MAGI1: variants seen among roughly 807,000 people sequenced by gnomAD.
MAGI1 encodes membrane associated guanylate kinase, WW and PDZ domain containing 1.
In MAGI1, 58 loss-of-function variants were observed where a neutral mutation model predicts 139.9. The ratio of observed to expected loss-of-function variants is 0.41; its 90% CI spans 0.34 to 0.52. The LOEUF (loss-of-function observed/expected upper bound fraction) is 0.52. Among genes scored for constraint, MAGI1 ranks in the 20% least tolerant of loss-of-function variants. MAGI1 has a pLI of 0.12. For synonymous variants in MAGI1, 812 were observed against 737.9 expected, an observed-to-expected ratio of 1.10 and a Z score of -1.63; for missense variants, 1,874 against 1,901.6, an observed-to-expected ratio of 0.99 and a Z score of 0.27.
intron 1 of MAGI1, among the ~76,000 whole-genome samples, chr3:65,859,771 G>A (rs1180301097): frequency 1.3e-5 from 2 of 151,508 alleles, no homozygotes; most frequent in Admixed American, 6.6e-5. Context: ...CCCCCAAACA[G>A]ACCAGGTTTT....
chr3:65,586,535 T>C (rs1321144423), intron 2 of MAGI1, among the ~76,000 whole-genome samples: 1 of 152,160 alleles, frequency 6.6e-6, no homozygotes, highest in African/African-American at 2.4e-5. Context: ...GTAACTTTTG[T>C]TGCAAGTTAA....
At chr3:65,912,419 AC>A (rs1252380917) in intron 1 of MAGI1, among the ~76,000 whole-genome samples, 1 of 152,202 alleles carries the variant, frequency 6.6e-6, no homozygotes, top group Non-Finnish European at 1.5e-5. Flanking sequence ...GATAATTCAC[AC>A]ATGGATCATT....
chr3:65,890,902 G>A (rs182040293), intron 1 of MAGI1, among the ~76,000 whole-genome samples: 173 of 152,260 alleles, frequency 1.1e-3, no homozygotes, highest in Non-Finnish European at 1.9e-3. Flanking sequence ...GTATCGCCTC[G>A]TTTGTTTAGA....
chr3:65,867,532 C>T (rs927105345), intron 1 of MAGI1, among the ~76,000 whole-genome samples: 2 of 152,026 alleles, frequency 1.3e-5, no homozygotes, highest in African/African-American at 4.8e-5. Flanking sequence ...CCTAGGAGTT[C>T]GAGACTAGCC....
intron 1 of MAGI1, among the ~76,000 whole-genome samples, chr3:65,924,078 T>A (rs1377579644): frequency 6.6e-6 from 1 of 152,234 alleles, no homozygotes; most frequent in Non-Finnish European, 1.5e-5. Context: ...AGGAGATGTA[T>A]GAATAATTGA....
At chr3:65,362,654 C>A (rs1023625679) in intron 21 of MAGI1, among the ~76,000 whole-genome samples, 1 of 152,152 alleles carries the variant, frequency 6.6e-6, no homozygotes, top group African/African-American at 2.4e-5. Context: ...GCAAGTGTTA[C>A]GATCCTCACC....
intron 1 of MAGI1, among the ~76,000 whole-genome samples, chr3:65,839,458 A>G (rs565675805): frequency 1.6e-3 from 239 of 152,154 alleles, no homozygotes; most frequent in African/African-American, 5.4e-3. Flanking sequence ...TTCAGGAAGC[A>G]TTCCAGAAGA....
chr3:65,592,123 C>G lies in MAGI1; in HGVS notation c.430+29849G>C, dbSNP rs191633045. On this transcript the variant is annotated intron_variant, in intron 2 of 22. Coordinates refer to ENST00000402939, the MANE Select transcript of MAGI1 (RefSeq NM_001033057.2). ...TATACCAGGCAGGCAGAACACAGTTCCTAGCACATAAAGATTGTTAAATAA... is the reference window on the plus strand; with the variant it reads ...TATACCAGGCAGGCAGAACACAGTTGCTAGCACATAAAGATTGTTAAATAA... Among the ~76,000 whole-genome samples the G allele has an allele frequency of 1.6e-4, 24 of 152,272 alleles. 1 individual carries two copies. In the East Asian group the frequency reaches 4.4e-3, roughly 28 times the overall value.
intron 1 of MAGI1, among the ~76,000 whole-genome samples, chr3:65,871,455 C>T (rs2059937199): frequency 6.6e-6 from 1 of 152,106 alleles, no homozygotes; most frequent in Non-Finnish European, 1.5e-5. Context: ...AAGCACAACA[C>T]TGAGAAAAGC....
rs1000375445 is a variant in MAGI1 at position 65,492,046 on chromosome 3, T to C, written c.550+1466A>G. On this transcript the variant is annotated intron_variant, in intron 3 of 22. Transcript: ENST00000402939. ...AGAAGCAATTATCACATTAAAGCTA[T>C]AATGTCCCTAATAAAATAATAATCT... Among the ~76,000 whole-genome samples the C allele has an allele frequency of 7.2e-5, 11 of 152,326 alleles. 1 individual carries two copies. The South Asian group carries it at 2.1e-3, about 29-fold the overall frequency.
chr3:65,834,785 T>C (rs2042717263), intron 1 of MAGI1, among the ~76,000 whole-genome samples: 1 of 152,254 alleles, frequency 6.6e-6, no homozygotes, highest in African/African-American at 2.4e-5. Flanking sequence ...CATTTAGAAT[T>C]GCTATGTCGA....
intron 1 of MAGI1, among the ~76,000 whole-genome samples, chr3:65,865,338 C>A (rs556950814): frequency 6.6e-6 from 1 of 152,308 alleles, no homozygotes; most frequent in Non-Finnish European, 1.5e-5. Context: ...CAGTGGCTCA[C>A]ACCTGTAATC....
intron 13 of MAGI1, among the ~76,000 whole-genome samples, chr3:65,397,529 ATTT>A (rs567332426): frequency 7.1e-6 from 1 of 141,330 alleles, no homozygotes; most frequent in African/African-American, 2.6e-5. Context: ...TTTTTGTAGG[ATTT>A]TTTTTTTTTT....
chr3:65,955,320 A>G (rs766823710), intron 1 of MAGI1, among the ~76,000 whole-genome samples: 15 of 152,326 alleles, frequency 9.8e-5, no homozygotes, highest in Non-Finnish European at 1.6e-4. Context: ...AGCCTGGACA[A>G]CACTGCCTCT....
At chr3:65,509,299 G>C (rs1687021817) in intron 2 of MAGI1, among the ~76,000 whole-genome samples, 1 of 152,212 alleles carries the variant, frequency 6.6e-6, no homozygotes, top group Non-Finnish European at 1.5e-5. Context: ...TTTTGGGGAG[G>C]AGCCAAGATG....
At chr3:65,934,632 T>C (rs1456955047) in intron 1 of MAGI1, among the ~76,000 whole-genome samples, 2 of 150,836 alleles carry the variant, frequency 1.3e-5, no homozygotes, top group Non-Finnish European at 2.9e-5. Context: ...CCCTCTTATA[T>C]TGGGCCATTT....
intron 2 of MAGI1, among the ~76,000 whole-genome samples, chr3:65,552,046 T>G (rs1232630539): frequency 2.6e-5 from 4 of 152,190 alleles, no homozygotes; most frequent in African/African-American, 9.6e-5. Flanking sequence ...GTGAAAGTGA[T>G]TTTCAATTTC....
intron 1 of MAGI1, among the ~76,000 whole-genome samples, chr3:65,745,866 T>C (rs2035664221): frequency 6.6e-6 from 1 of 151,878 alleles, no homozygotes; most frequent in Non-Finnish European, 1.5e-5. Context: ...GTAGCTGGGA[T>C]TACACGTGTG....
At chr3:65,879,998 C>T (rs113873386) in intron 1 of MAGI1, among the ~76,000 whole-genome samples, 5,368 of 152,246 alleles carry the variant, frequency 0.035, 115 homozygotes, top group Middle Eastern at 0.048. Flanking sequence ...CAGTGGCTCA[C>T]GCCTGTAATC....
Sources: gnomAD v4.1 joint callset for allele counts (sites outside exome capture counted in the v4.1 genomes callset) on GRCh38, gnomAD v4.1.1 for gene constraint, MANE v1.5 for transcripts, NCBI Gene and HGNC (gene_info 2026-07-23, HGNC 2026-07-21) for gene names.